The following PDGFRL variants were observed in gnomAD, a reference collection of about 807,000 sequenced individuals.
PDGFRL encodes the protein platelet-derived growth factor receptor-like protein.
PDGFRL carries 46 observed loss-of-function variants against 37.2 expected under a neutral mutation model. The observed-to-expected ratio is 1.24, with a 90% CI of 0.98 to 1.58. The LOEUF is 1.58. Among genes scored for constraint, PDGFRL ranks in the 40% most tolerant of loss-of-function variants. The pLI, the probability that PDGFRL is intolerant of heterozygous loss-of-function variation, is 0.00. For synonymous variants in PDGFRL, 251 were observed against 184.3 expected (o/e 1.36, Z -2.93); for missense variants, 692 against 467.6 (o/e 1.48, Z -4.43).
At chr8:17,616,308 C>T (rs957381505) in intron 2 of PDGFRL, among the ~76,000 whole-genome samples, 5 of 152,238 alleles carry the variant, frequency 3.3e-5, no homozygotes, top group Admixed American at 6.5e-5. Flanking sequence ...GATTGTCCTG[C>T]GTCAGCCTCC....
chr8:17,633,364 GC>G (rs1445674381), intron 4 of PDGFRL, among the ~76,000 whole-genome samples: 1 of 152,162 alleles, frequency 6.6e-6, no homozygotes, highest in African/African-American at 2.4e-5. Flanking sequence ...GGAGTTTGAG[GC>G]TGCAGAGAGT....
intron 2 of PDGFRL, among the ~76,000 whole-genome samples, chr8:17,603,606 TC>T (rs1431248225): frequency 3.3e-5 from 5 of 152,160 alleles, no homozygotes; most frequent in African/African-American, 1.2e-4. Flanking sequence ...GTTTCTTGAC[TC>T]CTCTGCCCTG....
At chr8:17,615,548 T>G (rs1215902702) in intron 2 of PDGFRL, among the ~76,000 whole-genome samples, 2 of 152,044 alleles carry the variant, frequency 1.3e-5, no homozygotes, top group Non-Finnish European at 2.9e-5. Context: ...CCTCAAGCAG[T>G]AAAAGGGGAA....
chr8:17,633,949 C>A, intron 4 of PDGFRL, 125 bp from the exon 5 acceptor site: 1 of 952,218 alleles, frequency 1.1e-6, no homozygotes, highest in Non-Finnish European at 1.7e-6. Flanking sequence ...TGTCCTCGCA[C>A]TGGTCAGGGA....
intron 1 of PDGFRL, among the ~76,000 whole-genome samples, chr8:17,587,877 G>C (rs375954614): frequency 1.3e-5 from 2 of 152,066 alleles, no homozygotes; most frequent in Non-Finnish European, 1.5e-5. Context: ...TGATCCACCT[G>C]CGTTGGCCTC....
intron 2 of PDGFRL, among the ~76,000 whole-genome samples, chr8:17,598,310 ATTTG>A: frequency 6.6e-6 from 1 of 152,242 alleles, no homozygotes; most frequent in East Asian, 1.9e-4. Flanking sequence ...ATTATTGCTT[ATTTG>A]TTTATTTAAT....
upstream of PDGFRL, chr8:17,577,190 C>T (rs1585291631): frequency 3.2e-6 from 5 of 1,573,688 alleles, no homozygotes; most frequent in Non-Finnish European, 4.3e-6. Flanking sequence ...CCCGCCGCCT[C>T]CCCTGCGTCC....
intron 3 of PDGFRL, among the ~76,000 whole-genome samples, chr8:17,621,463 G>A (rs528530403): frequency 6.6e-6 from 1 of 150,852 alleles, no homozygotes; most frequent in East Asian, 1.9e-4. Flanking sequence ...AAGTCCTTAA[G>A]GTCACACAGA....
chr8:17,614,326 A>C (rs1804480574), intron 2 of PDGFRL, among the ~76,000 whole-genome samples: 1 of 151,990 alleles, frequency 6.6e-6, no homozygotes, highest in Non-Finnish European at 1.5e-5. Context: ...TGTTTTACCC[A>C]GCTGTCTGTT....
chr8:17,587,830 A>G lies in PDGFRL; in HGVS notation c.56-1638A>G, dbSNP rs1453992250. On this transcript the variant is annotated intron_variant, in intron 1 of 5. Transcript: ENST00000251630. Reference sequence around the variant, plus strand: ...TTTTTAGTAGAGATGGGGTTTCGCCATGTTGCCCAGGCTGGTCTCAAACTT... The same window carrying G: ...TTTTTAGTAGAGATGGGGTTTCGCCGTGTTGCCCAGGCTGGTCTCAAACTT... 3.9e-5 allele frequency among the ~76,000 whole-genome samples: 6 copies of G among 152,112 alleles called. No individual in the cohort carries two copies. The South Asian group carries it at 6.2e-4, about 16-fold the overall frequency.
At chr8:17,620,878 T>G (rs1804616273) in intron 2 of PDGFRL, among the ~76,000 whole-genome samples, 173 bp from the exon 3 acceptor site, 5 of 148,770 alleles carry the variant, frequency 3.4e-5, no homozygotes. Flanking sequence ...TTTTTTTTAT[T>G]ATACTTTAAG....
chr8:17,589,643 C>A lies in PDGFRL; in HGVS notation c.231C>A (p.Phe77Leu). 6.2e-7 allele frequency: 1 copy of A among 1,613,874 alleles called. No individual in the cohort carries two copies. Among genetic ancestry groups the A allele is most frequent in the Non-Finnish European group, 8.5e-7 (1 of 1,179,858 alleles). ...IMMQVLDKGR[F>L]QKPAATLSLL... The stretch of plus-strand genomic sequence containing the variant: ...TGCAAGTGCTGGATAAAGGTCGCTT[C>A]CAGAAACCCGCCGCTACCCTGAGTC... The change falls in exon 2 of 6, where the codon TTC becomes TTA. Residue 77 changes from phenylalanine (F) to leucine (L), a missense_variant. Physicochemically the swap from Phe to Leu is conservative, Grantham distance 22. Coordinates refer to ENST00000251630, the MANE Select transcript of PDGFRL (RefSeq NM_001372073.1).
intron 2 of PDGFRL, among the ~76,000 whole-genome samples, chr8:17,600,936 T>G (rs562332646): frequency 2.0e-5 from 3 of 152,230 alleles, no homozygotes; most frequent in African/African-American, 7.2e-5. Context: ...GAGCTATGAT[T>G]GTGCCAGTGC....
rs1805174941 is a variant in PDGFRL, at chr8:17,642,820, A to G, written c.*19A>G. 6.5e-7 allele frequency: 1 copy of G among 1,530,622 alleles called. No homozygotes were observed. Among genetic ancestry groups the G allele is most frequent in the Non-Finnish European group, 9.0e-7 (1 of 1,106,106 alleles). 94.8% of individuals were successfully genotyped at this position (1,530,622 alleles called of 1,614,324 possible). On this transcript the variant is annotated 3_prime_UTR_variant, in exon 6 of 6. Coordinates refer to ENST00000251630, the MANE Select transcript of PDGFRL (RefSeq NM_001372073.1). ...TTCCTGACTTGGAAAAGGAAATGTA[A>G]TGAACTTATGGAAAGCCCATTTGTG...
At chr8:17,634,246 T>A (rs1349692033) in intron 5 of PDGFRL, 33 bp downstream of exon 5, 1 of 1,555,418 alleles carries the variant, frequency 6.4e-7, no homozygotes, top group African/African-American at 1.4e-5. Context: ...AGCCCCTGCG[T>A]CTCAGCCTCT....
chr8:17,639,945 C>A lies in PDGFRL; in HGVS notation c.940-2668C>A, dbSNP rs115100438. On this transcript the variant is annotated intron_variant, in intron 5 of 5. Transcript: ENST00000251630. ...TAGGTTTGTTTGTTTAATATAATCCCAAACATCTTGGAGGCTTTGTTCATT... is the reference window on the plus strand; with the variant it reads ...TAGGTTTGTTTGTTTAATATAATCCAAAACATCTTGGAGGCTTTGTTCATT... 6.6e-3 allele frequency among the ~76,000 whole-genome samples: 1,003 copies of A among 152,260 alleles called. 11 individuals are homozygous for A. Among genetic ancestry groups the A allele is most frequent in the African/African-American group, 0.022 (931 of 41,540 alleles).
At chr8:17,597,817 G>T (rs888765469) in intron 2 of PDGFRL, among the ~76,000 whole-genome samples, 1 of 152,058 alleles carries the variant, frequency 6.6e-6, no homozygotes, top group African/African-American at 2.4e-5. Flanking sequence ...GGTCTCTAAG[G>T]ACCCACTCAA....
chr8:17,616,381 G>C (rs1241892867), intron 2 of PDGFRL, among the ~76,000 whole-genome samples: 1 of 151,990 alleles, frequency 6.6e-6, no homozygotes, highest in Non-Finnish European at 1.5e-5. Flanking sequence ...TTTCAATAGA[G>C]ATGCGGTTTC....
At chr8:17,601,429 G>A (rs1009356745) in intron 2 of PDGFRL, among the ~76,000 whole-genome samples, 3 of 151,574 alleles carry the variant, frequency 2.0e-5, no homozygotes, top group African/African-American at 7.3e-5. Flanking sequence ...GGGACCTTCT[G>A]ATTGTTAACT....
Sources: allele counts gnomAD v4.1 joint callset (sites outside exome capture counted in the v4.1 genomes callset), GRCh38; gene constraint gnomAD v4.1.1; transcripts MANE v1.5; gene names NCBI Gene and HGNC (gene_info 2026-07-23, HGNC 2026-07-21).